ATF2: variants seen among roughly 807,000 people sequenced by gnomAD.
ATF2 encodes the protein cyclic AMP-dependent transcription factor ATF-2.
In ATF2, 24 loss-of-function variants were observed where a neutral mutation model predicts 60.6. The observed-to-expected ratio is 0.40, with a 90% CI of 0.29 to 0.56. The LOEUF is 0.56. Among genes scored for constraint, ATF2 ranks in the 20% least tolerant of loss-of-function variants. The pLI is 0.54. For synonymous variants in ATF2, 206 were observed against 215.4 expected (o/e 0.96, Z 0.38); for missense variants, 433 against 607.7 (o/e 0.71, Z 3.02).
intron 10 of ATF2, among the ~76,000 whole-genome samples, chr2:175,110,436 G>A (rs914350835): frequency 3.9e-5 from 6 of 152,064 alleles, no homozygotes; most frequent in South Asian, 2.1e-4. Flanking sequence ...CAAATAGAAG[G>A]TGTCTAATAA....
intron 1 of ATF2, among the ~76,000 whole-genome samples, chr2:175,165,089 C>T (rs1700265701): frequency 1.3e-5 from 2 of 152,002 alleles, no homozygotes; most frequent in Admixed American, 1.3e-4. Flanking sequence ...TCCCAAAGTG[C>T]TGGGATTACA....
At chr2:175,094,403 G>GAAAAAAAAAAAAAAAAAAAAAAAAA (rs61440218) in intron 11 of ATF2, among the ~76,000 whole-genome samples, 2 of 61,142 alleles carry the variant, frequency 3.3e-5, no homozygotes, top group Non-Finnish European at 6.9e-5. Flanking sequence ...CAAAAAATAC[G>GAAAAAAAAAAAAAAAAAAAAAAAAA]AAAAAAAAAA....
intron 11 of ATF2, among the ~76,000 whole-genome samples, chr2:175,096,798 A>G (rs964802316): frequency 2.0e-4 from 30 of 152,234 alleles, no homozygotes; most frequent in Non-Finnish European, 4.0e-4. Flanking sequence ...TTAGTTACAT[A>G]CATTTCTGAA....
chr2:175,082,600 C>A (rs1350647967), intron 12 of ATF2, among the ~76,000 whole-genome samples: 1 of 152,136 alleles, frequency 6.6e-6, no homozygotes, highest in African/African-American at 2.4e-5. Context: ...AATATACAAT[C>A]TTTTACAATC....
In ATF2 at chr2:175,114,785, T is replaced by C. The variant is rs757468986; in HGVS notation, c.531A>G (p.Thr177=). The change falls in exon 8 of 14, where the codon ACA becomes ACG. Residue 177 remains threonine (T), a synonymous_variant. Transcript: ENST00000264110. ...GAATAATTACACTTGAGTCAGAACT[T>C]GTAAGCAGCACATTGGGAACCTGTA... The part of the protein sequence containing the change: ...ASLQVPNVLL[T]SSDSSVIIQQ... 3.7e-5 allele frequency: 59 copies of C among 1,613,898 alleles called. No individual in the cohort carries two copies. In the South Asian group the frequency reaches 5.2e-4, roughly 14 times the overall value.
intron 11 of ATF2, among the ~76,000 whole-genome samples, chr2:175,093,785 T>C (rs760395979): frequency 6.6e-6 from 1 of 152,150 alleles, no homozygotes; most frequent in Non-Finnish European, 1.5e-5. Flanking sequence ...TGAAAATATA[T>C]ATATTCTTTG....
intron 11 of ATF2, among the ~76,000 whole-genome samples, 164 bp downstream of exon 11, chr2:175,097,280 T>C (rs1489236234): frequency 6.6e-6 from 1 of 152,254 alleles, no homozygotes; most frequent in East Asian, 1.9e-4. Flanking sequence ...ATGTTTATTT[T>C]TGTATCAATA....
intron 4 of ATF2, among the ~76,000 whole-genome samples, chr2:175,128,012 G>T (rs1697459522): frequency 6.6e-6 from 1 of 152,124 alleles, no homozygotes; most frequent in South Asian, 2.1e-4. Context: ...TGTAAAGCTA[G>T]AGTAATCAAA....
chr2:175,146,312 A>T (rs1428733006), intron 2 of ATF2, among the ~76,000 whole-genome samples: 1 of 152,184 alleles, frequency 6.6e-6, no homozygotes, highest in East Asian at 1.9e-4. Flanking sequence ...GCAACCTGAG[A>T]TTCTAGACGG....
chr2:175,081,515 C>T (rs994957960), intron 12 of ATF2, among the ~76,000 whole-genome samples: 7 of 152,116 alleles, frequency 4.6e-5, no homozygotes, highest in African/African-American at 1.7e-4. Flanking sequence ...ATTAAAAACA[C>T]GTAAGTCAGT....
intron 13 of ATF2, 21 bp from the exon 14 acceptor site, chr2:175,074,856 T>G: frequency 1.2e-6 from 2 of 1,612,522 alleles, no homozygotes; most frequent in Non-Finnish European, 1.7e-6. Context: ...AAAAGAAAAA[T>G]TATTCATTTT....
chr2:175,100,939 G>A (rs1695272166), intron 10 of ATF2, among the ~76,000 whole-genome samples: 1 of 152,168 alleles, frequency 6.6e-6, no homozygotes, highest in African/African-American at 2.4e-5. Flanking sequence ...CTGCTGGCGA[G>A]TGTACCCTTT....
intron 5 of ATF2, among the ~76,000 whole-genome samples, chr2:175,119,729 TA>T (rs1325335646): frequency 2.0e-4 from 30 of 151,710 alleles, no homozygotes; most frequent in Admixed American, 9.2e-4. Context: ...CCATCATGAC[TA>T]AATTAGTAGG....
intron 2 of ATF2, 68 bp downstream of exon 2, chr2:175,150,992 G>A (rs1189078439): frequency 1.3e-5 from 2 of 152,338 alleles, no homozygotes; most frequent in Non-Finnish European, 2.9e-5. Context: ...TACTAAATTC[G>A]GTAGTATTTG....
intron 1 of ATF2, among the ~76,000 whole-genome samples, chr2:175,162,414 T>C (rs1700086879): frequency 6.6e-6 from 1 of 152,348 alleles, no homozygotes; most frequent in South Asian, 2.1e-4. Context: ...CTGCTGACAG[T>C]GTAAACTCGC....
At chr2:175,141,739 C>T (rs529426187) in intron 2 of ATF2, among the ~76,000 whole-genome samples, 13 of 152,168 alleles carry the variant, frequency 8.5e-5, no homozygotes, top group Admixed American at 1.3e-4. Flanking sequence ...GTGATCCGCC[C>T]GCCTTGGCCT....
chr2:175,139,500 C>T (rs1295393643), intron 2 of ATF2, among the ~76,000 whole-genome samples: 2 of 151,794 alleles, frequency 1.3e-5, no homozygotes, highest in Non-Finnish European at 2.9e-5. Flanking sequence ...GGTGAAACCC[C>T]GTCTCTACTA....
At chr2:175,091,023 G>A (rs1694510697) in intron 12 of ATF2, among the ~76,000 whole-genome samples, 1 of 152,086 alleles carries the variant, frequency 6.6e-6, no homozygotes, top group South Asian at 2.1e-4. Flanking sequence ...TCATTAAAAG[G>A]TATTAAGATT....
At chr2:175,161,885 C>T (rs1291653348) in intron 1 of ATF2, among the ~76,000 whole-genome samples, 2 of 151,910 alleles carry the variant, frequency 1.3e-5, no homozygotes, top group Non-Finnish European at 2.9e-5. Flanking sequence ...CTCAGTCTCC[C>T]GAGTAGCTGA....
Sources: gnomAD v4.1 joint callset for allele counts (sites outside exome capture counted in the v4.1 genomes callset) on GRCh38, gnomAD v4.1.1 for gene constraint, MANE v1.5 for transcripts, NCBI Gene and HGNC (gene_info 2026-07-23, HGNC 2026-07-21) for gene names.